Variants in TBC1D19 observed in about 807,000 individuals in gnomAD.
TBC1D19 encodes the protein TBC1 domain family, member 19.
TBC1D19 carries 60 observed loss-of-function variants against 89.0 expected under a neutral mutation model. The observed-to-expected ratio is 0.67, with a 90% confidence interval of 0.55 to 0.84. The LOEUF (loss-of-function observed/expected upper bound fraction) is 0.84, where lower values mean the gene tolerates loss of function less well. Among genes scored for constraint, TBC1D19 ranks in the 40% least tolerant of loss-of-function variants. TBC1D19 has a pLI of 0.00. For synonymous variants in TBC1D19, 189 were observed against 199.7 expected, an observed-to-expected ratio of 0.95 and a Z score of 0.45; for missense variants, 500 against 610.8, an observed-to-expected ratio of 0.82 and a Z score of 1.91.
chr4:26,676,825 C>T (rs1020831773), intron 11 of TBC1D19, among the ~76,000 whole-genome samples: 1 of 151,818 alleles, frequency 6.6e-6, no homozygotes, highest in African/African-American at 2.4e-5. Flanking sequence ...ACACAGTGCT[C>T]TTTCTGGCAT....
At chr4:26,847,729 A>G in the TBC1D19 span, among the ~76,000 whole-genome samples, 1 of 152,230 alleles carries the variant, frequency 6.6e-6, no homozygotes, top group African/African-American at 2.4e-5. Flanking sequence ...AAACAGGGAA[A>G]GCATTTAAGA....
chr4:26,590,175 T>A (rs1043074244), intron 1 of TBC1D19, among the ~76,000 whole-genome samples: 4 of 152,252 alleles, frequency 2.6e-5, no homozygotes, highest in African/African-American at 9.6e-5. Context: ...ATCTCATTTG[T>A]CCTTGAAGGA....
intron 1 of TBC1D19, among the ~76,000 whole-genome samples, chr4:26,592,638 A>G (rs1458742118): frequency 6.6e-6 from 1 of 152,020 alleles, no homozygotes; most frequent in Non-Finnish European, 1.5e-5. Context: ...ACTTCAGCAA[A>G]GTCTCAGGAT....
intron 1 of TBC1D19, among the ~76,000 whole-genome samples, chr4:26,604,621 A>G (rs188148892): frequency 8.6e-5 from 13 of 151,710 alleles, no homozygotes; most frequent in African/African-American, 2.7e-4. Context: ...CTGTAATCCC[A>G]GCACTTTACT....
chr4:26,723,421 C>T (rs1256218763), intron 15 of TBC1D19, among the ~76,000 whole-genome samples: 2 of 152,162 alleles, frequency 1.3e-5, no homozygotes, highest in Non-Finnish European at 2.9e-5. Flanking sequence ...CAGGGGACCA[C>T]ACATAGAGGT....
At chr4:26,853,301 T>C in the TBC1D19 span, among the ~76,000 whole-genome samples, 1 of 152,354 alleles carries the variant, frequency 6.6e-6, no homozygotes, top group South Asian at 2.1e-4. Flanking sequence ...TGTACAATTC[T>C]CTCATTTTGT....
chr4:26,645,211 A>G (rs1050436028), intron 7 of TBC1D19, among the ~76,000 whole-genome samples: 27 of 152,194 alleles, frequency 1.8e-4, no homozygotes. Context: ...ATCCTAAACA[A>G]AAAGAACAAA....
intron 4 of TBC1D19, among the ~76,000 whole-genome samples, chr4:26,635,652 A>C (rs1743076898): frequency 6.6e-6 from 1 of 152,126 alleles, no homozygotes; most frequent in South Asian, 2.1e-4. Context: ...AAATACTTGC[A>C]ACATTACTTA....
At chr4:26,671,956 C>T (rs1712347068) in intron 9 of TBC1D19, among the ~76,000 whole-genome samples, 193 bp from the exon 10 acceptor site, 1 of 151,686 alleles carries the variant, frequency 6.6e-6, no homozygotes, top group Non-Finnish European at 1.5e-5. Flanking sequence ...ATTAAATGCT[C>T]ATAACTCTGT....
intron 15 of TBC1D19, among the ~76,000 whole-genome samples, chr4:26,721,633 A>G (rs932532537): frequency 5.3e-5 from 8 of 152,076 alleles, no homozygotes; most frequent in Non-Finnish European, 8.8e-5. Context: ...ATTTTTCTCA[A>G]AGTGTTCTTA....
chr4:26,784,814 G>A, the TBC1D19 span, among the ~76,000 whole-genome samples: 1 of 152,140 alleles, frequency 6.6e-6, no homozygotes, highest in Non-Finnish European at 1.5e-5. Context: ...CTCTGCCTTG[G>A]GGAGCATTGG....
chr4:26,834,689 C>T, the TBC1D19 span, among the ~76,000 whole-genome samples: 1 of 152,142 alleles, frequency 6.6e-6, no homozygotes, highest in South Asian at 2.1e-4. Flanking sequence ...TCTGGCTACT[C>T]GTTTTCATTC....
chr4:26,606,142 C>A (rs1181850337), intron 1 of TBC1D19, among the ~76,000 whole-genome samples: 3 of 152,130 alleles, frequency 2.0e-5, no homozygotes, highest in African/African-American at 7.2e-5. Context: ...GTATATGCCA[C>A]TATACCTGTC....
At chr4:26,586,074 T>A (rs965521376) in intron 1 of TBC1D19, among the ~76,000 whole-genome samples, 6 of 151,976 alleles carry the variant, frequency 3.9e-5, no homozygotes, top group African/African-American at 1.4e-4. Flanking sequence ...AGTTTTATAG[T>A]TTTAGCTTCT....
At chr4:26,794,002 T>A in the TBC1D19 span, among the ~76,000 whole-genome samples, 1 of 152,114 alleles carries the variant, frequency 6.6e-6, no homozygotes, top group Non-Finnish European at 1.5e-5. Flanking sequence ...GATTAGCTAG[T>A]CTTGAGTTAC....
the TBC1D19 span, among the ~76,000 whole-genome samples, chr4:26,827,173 T>G: frequency 6.6e-6 from 1 of 152,208 alleles, no homozygotes; most frequent in Non-Finnish European, 1.5e-5. Flanking sequence ...ACAAATTCAA[T>G]CACAGTAAGT....
At chr4:26,658,200 T>C (rs929408444) in intron 7 of TBC1D19, among the ~76,000 whole-genome samples, 2 of 152,248 alleles carry the variant, frequency 1.3e-5, no homozygotes, top group African/African-American at 4.8e-5. Flanking sequence ...GATTTTCTTC[T>C]AGGATTCCTA....
intron 1 of TBC1D19, among the ~76,000 whole-genome samples, chr4:26,609,473 AG>A (rs1741228404): frequency 6.6e-6 from 1 of 152,126 alleles, no homozygotes; most frequent in South Asian, 2.1e-4. Flanking sequence ...GGAAGCTAGC[AG>A]GTGTTTGCTA....
chr4:26,638,291 G>A (rs1317278833), intron 5 of TBC1D19, among the ~76,000 whole-genome samples: 1 of 151,596 alleles, frequency 6.6e-6, no homozygotes, highest in Non-Finnish European at 1.5e-5. Flanking sequence ...AATTACTGAA[G>A]GCACCAGAAG....
Sources: gnomAD v4.1 joint callset for allele counts (sites outside exome capture counted in the v4.1 genomes callset) on GRCh38, gnomAD v4.1.1 for gene constraint, MANE v1.5 for transcripts, NCBI Gene and HGNC (gene_info 2026-07-23, HGNC 2026-07-21) for gene names.